The following PPP2R2D variants were observed in gnomAD, a reference collection of about 807,000 sequenced individuals.
The protein encoded by PPP2R2D is serine/threonine-protein phosphatase 2A 55 kDa regulatory subunit B delta isoform.
PPP2R2D carries 9 observed loss-of-function variants against 31.1 expected under a neutral mutation model. The observed-to-expected ratio is 0.29, with a 90% CI of 0.17 to 0.51. The LOEUF (loss-of-function observed/expected upper bound fraction) is 0.51, where lower values mean the gene tolerates loss of function less well. Ranked by LOEUF, PPP2R2D falls within the 20% of genes least tolerant of loss-of-function variation. The pLI, the probability that PPP2R2D is intolerant of heterozygous loss-of-function variation, is 0.98. For missense variants in PPP2R2D, 391 were observed against 465.6 expected, an observed-to-expected ratio of 0.84 and a Z score of 1.48; for synonymous variants, 179 against 172.6, an observed-to-expected ratio of 1.04 and a Z score of -0.29.
chr10:131,944,232 C>T (rs559295326), intron 6 of PPP2R2D, 87 bp downstream of exon 6: 37 of 1,103,460 alleles, frequency 3.4e-5, no homozygotes, highest in African/African-American at 3.2e-5. Context: ...ACCTGTATCT[C>T]GGAGTCTAGT....
At chr10:131,918,984 T>G (rs1589931749) in intron 2 of PPP2R2D, among the ~76,000 whole-genome samples, 9 of 100,924 alleles carry the variant, frequency 8.9e-5, no homozygotes, top group Admixed American at 1.1e-4. Context: ...GACACAGTGT[T>G]TGTAGGGACC....
At chr10:131,941,690 C>A (rs1198474778) in intron 5 of PPP2R2D, among the ~76,000 whole-genome samples, 2 of 152,132 alleles carry the variant, frequency 1.3e-5, no homozygotes, top group African/African-American at 4.8e-5. Context: ...ACAGAGGACG[C>A]TGTACCGCAG....
chr10:131,943,824 A>G, intron 5 of PPP2R2D, 144 bp from the exon 6 acceptor site: 1 of 598,174 alleles, frequency 1.7e-6, no homozygotes, highest in East Asian at 3.1e-5. Context: ...AACTCTGCTA[A>G]TTGGTTATTT....
Position 131,955,580 on chromosome 10 carries a change from G to C in PPP2R2D, c.1083-104G>C, listed in dbSNP as rs1462489675. On this transcript the variant is annotated intron_variant, in intron 8 of 8. Coordinates refer to ENST00000455566, the MANE Select transcript of PPP2R2D (RefSeq NM_018461.5). ...CCTGATTTCTGAAAGTAACTGGGTT[G>C]TGGGGGAGGGTGGCGTGCGCTGTGC... 7 of 1,006,980 alleles carry C rather than the reference G, an allele frequency of 7.0e-6. No homozygotes were observed. In the East Asian group the frequency reaches 2.1e-4, roughly 30 times the overall value. 62.4% of individuals were successfully genotyped at this position (1,006,980 alleles called of 1,614,324 possible).
chr10:131,950,800 A>G (rs1282822664), intron 8 of PPP2R2D, among the ~76,000 whole-genome samples: 1 of 152,118 alleles, frequency 6.6e-6, no homozygotes, highest in African/African-American at 2.4e-5. Flanking sequence ...GCCCCACACA[A>G]TAAATAAATA....
intron 2 of PPP2R2D, among the ~76,000 whole-genome samples, chr10:131,903,001 G>A (rs978587330): frequency 1.3e-5 from 2 of 151,876 alleles, no homozygotes; most frequent in Non-Finnish European, 1.5e-5. Flanking sequence ...GTCTGCCCAC[G>A]TCAGTCTCCC....
chr10:131,957,813 G>C lies in PPP2R2D; in HGVS notation c.*1850G>C. ...GTGTGCTGATCCCCATCCCCCTGTG[G>C]AGATGAAGGTGTGTGCTGATCCCCC... On this transcript the variant is annotated 3_prime_UTR_variant, in exon 9 of 9. Transcript: ENST00000455566. The C allele has an allele frequency of 6.2e-6, 1 of 161,650 alleles. No individual in the cohort carries two copies. The highest frequency in any genetic ancestry group is 1.4e-4 in the South Asian group (1 of 7,366). 10.0% of individuals were successfully genotyped at this position (161,650 alleles called of 1,614,324 possible). A position where few individuals can be genotyped will look rare whatever the true frequency, so the allele number is the denominator to read the frequency against.
chr10:131,931,207 G>A (rs924591115), intron 2 of PPP2R2D, among the ~76,000 whole-genome samples: 6 of 152,330 alleles, frequency 3.9e-5, no homozygotes, highest in Middle Eastern at 3.4e-3. Context: ...GGGCTTGTGC[G>A]TGGTTAGGAT....
At chr10:131,966,700 G>A in the PPP2R2D span, 3 of 152,126 alleles carry the variant, frequency 2.0e-5, no homozygotes, top group African/African-American at 7.2e-5. Context: ...ACAGGTGTGT[G>A]CCACCACACG....
At chr10:131,948,579 A>G (rs534841280) in intron 8 of PPP2R2D, among the ~76,000 whole-genome samples, 146 of 152,326 alleles carry the variant, frequency 9.6e-4, no homozygotes, top group Admixed American at 2.5e-3. Flanking sequence ...GAAATCTCAC[A>G]ACGGCCAGAA....
At chr10:131,968,629 A>C in the PPP2R2D span, 4 of 1,452,672 alleles carry the variant, frequency 2.8e-6, no homozygotes, top group Non-Finnish European at 3.9e-6. Flanking sequence ...ACTGTGTTAC[A>C]GCTGAAACAG....
the PPP2R2D span, chr10:131,969,058 C>G: frequency 6.4e-6 from 1 of 157,288 alleles, no homozygotes; most frequent in Non-Finnish European, 1.4e-5. Context: ...TCCAGCTGAC[C>G]AGCGGGCATC....
chr10:131,924,601 C>T (rs2036064202), intron 2 of PPP2R2D, among the ~76,000 whole-genome samples: 2 of 151,698 alleles, frequency 1.3e-5, no homozygotes, highest in South Asian at 2.1e-4. Flanking sequence ...CAGGAAGTGT[C>T]AGTCTTCCTC....
At position 131,947,649 on chromosome 10, in the gene PPP2R2D, G is replaced by T. The variant is rs76274320; in HGVS notation, c.940G>T (p.Val314Leu). The change falls in exon 8 of 9, where the codon GTG (valine) becomes TTG (leucine). Residue 314 changes from valine (V) to leucine (L), a missense_variant. Around this residue, in one of 3 missense-constraint regions of PPP2R2D, gnomAD observed 123 missense variants for 187.7 expected, o/e 0.66. Transcript: ENST00000455566. The surrounding 1 kb of genome is among the most constrained non-coding windows in gnomAD (Gnocchi z 4.3). ...RYMMTRDYLSVKVWDLNMESR... is the reference protein window; with the variant it reads ...RYMMTRDYLSLKVWDLNMESR... ...CATGATGACCAGAGACTACCTGTCG[G>T]TGAAGGTGTGGGACCTCAACATGGA... 2 of 1,614,236 alleles carry T rather than the reference G, an allele frequency of 1.2e-6. No homozygotes were observed. Among genetic ancestry groups the T allele is most frequent in the Admixed American group, 3.3e-5 (2 of 60,032 alleles).
At chr10:131,953,594 G>A (rs978230391) in intron 8 of PPP2R2D, among the ~76,000 whole-genome samples, 3 of 135,324 alleles carry the variant, frequency 2.2e-5, no homozygotes, top group Admixed American at 7.5e-5. Context: ...AGTGACTTGC[G>A]GGTATGCGGG....
intron 5 of PPP2R2D, among the ~76,000 whole-genome samples, chr10:131,943,334 A>G (rs1382083326): frequency 2.6e-5 from 4 of 152,196 alleles, no homozygotes; most frequent in Non-Finnish European, 5.9e-5. Context: ...TTTAACCTCA[A>G]GTGAAGTGTA....
In PPP2R2D at chr10:131,901,043, GGCGCCGGCGGTGGTGGCGGCC is replaced by G. The variant is rs2035482040; in HGVS notation, c.-105_-85del. Reference sequence around the variant, plus strand: ...CCCCGGCGGCGGCGGCGGCGGCGGCGGCGCCGGCGGTGGTGGCGGCCCCGGGGCTGAGCGCTCGGCTGCAGC... The same window carrying G: ...CCCCGGCGGCGGCGGCGGCGGCGGCGCCGGGGCTGAGCGCTCGGCTGCAGC... On this transcript the variant is annotated 5_prime_UTR_variant, in exon 1 of 9. Coordinates refer to ENST00000455566, the MANE Select transcript of PPP2R2D (RefSeq NM_018461.5). 1 of 161,090 alleles carries G rather than the reference GGCGCCGGCGGTGGTGGCGGCC, an allele frequency of 6.2e-6. No homozygotes were observed. The highest frequency in any genetic ancestry group is 2.4e-5 in the African/African-American group (1 of 41,040). 10.0% of individuals were successfully genotyped at this position (161,090 alleles called of 1,614,324 possible).
At chr10:131,948,844 A>ACC (rs1264874143) in intron 8 of PPP2R2D, among the ~76,000 whole-genome samples, 6 of 152,102 alleles carry the variant, frequency 3.9e-5, no homozygotes, top group African/African-American at 1.4e-4. Flanking sequence ...TGGAACAGGG[A>ACC]CCCCTGAAGA....
At chr10:131,910,839 G>T (rs1490782075) in intron 2 of PPP2R2D, among the ~76,000 whole-genome samples, 1 of 152,140 alleles carries the variant, frequency 6.6e-6, no homozygotes, top group African/African-American at 2.4e-5. Flanking sequence ...GGTGAGGGGT[G>T]GGGGAGCTGA....
Sources: gnomAD v4.1 joint callset for allele counts (sites outside exome capture counted in the v4.1 genomes callset) on GRCh38, gnomAD v4.1.1 for gene constraint, gnomAD v4.1.1 regional missense constraint, Gnocchi (gnomAD v3.1) non-coding constraint, MANE v1.5 for transcripts, NCBI Gene and HGNC (gene_info 2026-07-23, HGNC 2026-07-21) for gene names.